ACTR1A: variants seen among roughly 807,000 people sequenced by gnomAD.
ACTR1A encodes the protein actin related protein 1A.
ACTR1A carries 10 observed loss-of-function variants against 50.7 expected under a neutral mutation model. That is an observed-to-expected ratio of 0.20 (90% CI 0.12 to 0.33). The LOEUF (loss-of-function observed/expected upper bound fraction) is 0.33, where lower values mean the gene tolerates loss of function less well. ACTR1A is among the 10% of genes least tolerant of loss of function. The pLI, the probability that ACTR1A is intolerant of heterozygous loss-of-function variation, is 1.00. For synonymous variants in ACTR1A, 177 were observed against 184.2 expected (o/e 0.96, Z 0.32); for missense variants, 253 against 491.7 (o/e 0.51, Z 4.59).
intron 1 of ACTR1A, among the ~76,000 whole-genome samples, chr10:102,502,367 T>G (rs1564653106): frequency 6.6e-6 from 1 of 152,248 alleles, no homozygotes; most frequent in African/African-American, 2.4e-5. Context: ...AGGACTGGCT[T>G]GGACTATAAC....
At position 102,480,789 on chromosome 10, in the gene ACTR1A, A is replaced by G. The variant is rs17113501; in HGVS notation, c.*74T>C. On this transcript the variant is annotated 3_prime_UTR_variant, in exon 11 of 11. Transcript: ENST00000369905. Reference sequence around the variant, plus strand: ...CACTCACACACAGGCAGTTCCTCGCAAACACTCCGACTCAAGAAAGCGAGT... The same window carrying G: ...CACTCACACACAGGCAGTTCCTCGCGAACACTCCGACTCAAGAAAGCGAGT... The G allele has an allele frequency of 7.9e-7, 1 of 1,267,482 alleles. No homozygotes were observed. Among genetic ancestry groups the G allele is most frequent in the Non-Finnish European group, 1.2e-6 (1 of 866,110 alleles). The allele number at this position is 1,267,482 out of a possible 1,614,324, so 78.5% of individuals were successfully genotyped here.
Position 102,484,187 on chromosome 10 carries a change from C to T in ACTR1A, c.630G>A (p.Glu210=). The change falls in exon 6 of 11, where the codon GAG becomes GAA. Residue 210 remains glutamate (E), a synonymous_variant. Coordinates refer to ENST00000369905, the MANE Select transcript of ACTR1A (RefSeq NM_005736.4). ...KEGYDFHSSS[E]FEIVKAIKER... ...CTTTTATGGCCTTGACAATCTCAAACTCAGAGGATGAGTGGAAGTCGTAGC... is the reference window on the plus strand; with the variant it reads ...CTTTTATGGCCTTGACAATCTCAAATTCAGAGGATGAGTGGAAGTCGTAGC... 1.2e-6 allele frequency: 2 copies of T among 1,614,202 alleles called. No individual in the cohort carries two copies. The highest frequency in any genetic ancestry group is 3.3e-4 in the Middle Eastern group (2 of 6,062).
chr10:102,482,390 GC>G lies in ACTR1A; in HGVS notation c.751-216del. ...GCTCCTATATTTCCTTCTCGCTCTGGCATTTTCCAGCCAAGAGGTCTTTGGC... is the reference window on the plus strand; with the variant it reads ...GCTCCTATATTTCCTTCTCGCTCTGGATTTTCCAGCCAAGAGGTCTTTGGC... On this transcript the variant is annotated intron_variant, in intron 7 of 10. Transcript: ENST00000369905. This position sits in a 1 kb window ranked among gnomAD's most constrained non-coding sequence, Gnocchi z 5.6. The G allele has an allele frequency of 3.4e-6, 2 of 582,164 alleles. No homozygotes were observed. Among genetic ancestry groups the G allele is most frequent in the Non-Finnish European group, 6.1e-6 (2 of 328,530 alleles). The allele number at this position is 582,164 out of a possible 1,614,324, so 36.1% of individuals were successfully genotyped here. A position where few individuals can be genotyped will look rare whatever the true frequency, so the allele number is the denominator to read the frequency against.
chr10:102,490,516 C>G (rs1351945916), intron 2 of ACTR1A, 33 bp downstream of exon 2: 3 of 1,580,810 alleles, frequency 1.9e-6, no homozygotes, highest in Non-Finnish European at 2.6e-6. Flanking sequence ...AGCTGATGAG[C>G]CTCCAAAACG....
At position 102,479,318 on chromosome 10, in the gene ACTR1A, G is replaced by A. The variant is rs2062125836; in HGVS notation, c.*1545C>T. Reference sequence around the variant, plus strand: ...CGAGGCTGTGCGAGGGACAGGCTTGGGCTAAGAGAAGGGAGGTGAGTTGGT... The same window carrying A: ...CGAGGCTGTGCGAGGGACAGGCTTGAGCTAAGAGAAGGGAGGTGAGTTGGT... On this transcript the variant is annotated 3_prime_UTR_variant, in exon 11 of 11. Transcript: ENST00000369905. The surrounding 1 kb of genome is among the most constrained non-coding windows in gnomAD (Gnocchi z 4.0). The A allele has an allele frequency of 9.8e-6, 4 of 406,684 alleles. No individual in the cohort carries two copies. Among genetic ancestry groups the A allele is most frequent in the South Asian group, 7.8e-5 (4 of 51,098 alleles). The allele number at this position is 406,684 out of a possible 1,614,324, so 25.2% of individuals were successfully genotyped here. A position where few individuals can be genotyped will look rare whatever the true frequency, so the allele number is the denominator to read the frequency against.
rs929937452 is a variant in ACTR1A at position 102,479,368 on chromosome 10, G to A, written c.*1495C>T. 1.4e-5 allele frequency: 5 copies of A among 368,698 alleles called. No individual in the cohort carries two copies. The highest frequency in any genetic ancestry group is 3.7e-5 in the Admixed American group (1 of 27,336). The allele number at this position is 368,698 out of a possible 1,614,324, so 22.8% of individuals were successfully genotyped here. On this transcript the variant is annotated 3_prime_UTR_variant, in exon 11 of 11. Transcript: ENST00000369905. The surrounding 1 kb of genome is among the most constrained non-coding windows in gnomAD (Gnocchi z 4.0). ...TTAAGCGCACTGCAGTCCGCGGGGCGCTACGTTGCTTTCACACATACCTGC... is the reference window on the plus strand; with the variant it reads ...TTAAGCGCACTGCAGTCCGCGGGGCACTACGTTGCTTTCACACATACCTGC...
chr10:102,480,764 C>T lies in ACTR1A; in HGVS notation c.*99G>A. Reference sequence around the variant, plus strand: ...GCACACACACTCATATCCACACACGCACTCACACACAGGCAGTTCCTCGCA... The same window carrying T: ...GCACACACACTCATATCCACACACGTACTCACACACAGGCAGTTCCTCGCA... On this transcript the variant is annotated 3_prime_UTR_variant, in exon 11 of 11. Transcript: ENST00000369905. The T allele has an allele frequency of 1.0e-6, 1 of 966,304 alleles. No homozygotes were observed. 59.9% of individuals were successfully genotyped at this position (966,304 alleles called of 1,614,324 possible).
In ACTR1A at chr10:102,481,183, G is replaced by T. The variant is rs781034617; in HGVS notation, c.988-11C>A. 6.3e-6 allele frequency: 10 copies of T among 1,576,090 alleles called. No homozygotes were observed. Among genetic ancestry groups the T allele is most frequent in the East Asian group, 4.5e-5 (2 of 44,380 alleles). On this transcript the variant is annotated splice_polypyrimidine_tract_variant and intron_variant, in intron 9 of 10. Transcript: ENST00000369905. ...CTGAGGTGCAGATATCTGCAAAGGT[G>T]GGGGAAAGAGGAATCTGAGACTTCC...
intron 1 of ACTR1A, among the ~76,000 whole-genome samples, chr10:102,500,587 AC>A (rs1235695103): frequency 5.6e-5 from 8 of 142,720 alleles, no homozygotes; most frequent in East Asian, 2.0e-4. Flanking sequence ...AAACAAACAA[AC>A]AAACAAACAA....
rs752834304 is a variant in ACTR1A, at chr10:102,490,562, A to G, written c.100T>C (p.Cys34Arg). The G allele has an allele frequency of 1.9e-6, 3 of 1,613,290 alleles. No individual in the cohort carries two copies. Among genetic ancestry groups the G allele is most frequent in the Non-Finnish European group, 2.5e-6 (3 of 1,179,338 alleles). The change falls in exon 2 of 11, where the codon TGC becomes CGC. Residue 34 changes from cysteine (C) to arginine (R), a missense_variant. Transcript: ENST00000369905. ...AGAATGACTTACTAGTTTGGAAAGC[A>G]GTATTTGGGGATCTGATCACCAGCA... ...GFAGDQIPKY[C>R]FPNYVGRPKH...
intron 2 of ACTR1A, 124 bp downstream of exon 2, chr10:102,490,425 A>G (rs780759987): frequency 1.5e-4 from 93 of 624,672 alleles, no homozygotes; most frequent in Non-Finnish European, 2.3e-4. Flanking sequence ...GTGCCTCTCA[A>G]ATTGTACCAT....
chr10:102,486,992 G>A (rs560199187), intron 4 of ACTR1A, among the ~76,000 whole-genome samples: 2 of 150,328 alleles, frequency 1.3e-5, no homozygotes, highest in South Asian at 2.1e-4. Flanking sequence ...GTGGTGTTTC[G>A]CCATGCTGCC....
intron 1 of ACTR1A, among the ~76,000 whole-genome samples, chr10:102,500,477 G>C (rs1478449595): frequency 6.6e-6 from 1 of 152,172 alleles, no homozygotes; most frequent in African/African-American, 2.4e-5. Flanking sequence ...GCTGAGGCAG[G>C]AGAATGGCGT....
intron 1 of ACTR1A, among the ~76,000 whole-genome samples, chr10:102,502,396 C>T (rs945870726): frequency 3.9e-5 from 6 of 152,250 alleles, no homozygotes; most frequent in African/African-American, 1.4e-4. Context: ...TTATCCACTC[C>T]AGAGTTCTCC....
At chr10:102,485,855 A>G (rs2062165743) in intron 4 of ACTR1A, 122 bp from the exon 5 acceptor site, 18 of 1,368,354 alleles carry the variant, frequency 1.3e-5, no homozygotes, top group Non-Finnish European at 1.8e-5. Context: ...GCCTCACTCC[A>G]AAAAAAGGCA....
intron 5 of ACTR1A, 96 bp from the exon 6 acceptor site, chr10:102,484,472 G>C (rs2062157657): frequency 9.3e-7 from 1 of 1,075,082 alleles, no homozygotes; most frequent in Non-Finnish European, 1.4e-6. Context: ...CTAAACTAAA[G>C]CTTGGGCCTG....
chr10:102,483,016 T>C lies in ACTR1A; in HGVS notation c.745A>G (p.Ile249Val). The C allele has an allele frequency of 1.2e-6, 2 of 1,613,424 alleles. No homozygotes were observed. Among genetic ancestry groups the C allele is most frequent in the South Asian group, 1.1e-5 (1 of 91,068 alleles). The change falls in exon 7 of 11, where the codon ATT becomes GTT. Residue 249 changes from isoleucine (I) to valine (V), a missense_variant. Coordinates refer to ENST00000369905, the MANE Select transcript of ACTR1A (RefSeq NM_005736.4). ...AQYYLPDGST[I>V]EIGPSRFRAP... ...AAAGAAGGCAGGCCACCTACCTCAATGGTGCTGCCATCAGGCAGGTAGTAC... is the reference window on the plus strand; with the variant it reads ...AAAGAAGGCAGGCCACCTACCTCAACGGTGCTGCCATCAGGCAGGTAGTAC...
At position 102,489,090 on chromosome 10, in the gene ACTR1A, G is replaced by T; in HGVS notation, c.162C>A (p.Gly54=). The T allele has an allele frequency of 6.3e-7, 1 of 1,587,934 alleles. No homozygotes were observed. Among genetic ancestry groups the T allele is most frequent in the South Asian group, 1.1e-5 (1 of 87,676 alleles). ...CAGCTTTGGGGCCAATGAAGATGTC[G>T]CCTTCAAGGGCTCCTGCCATGACAC... ...HVRVMAGALE[G]DIFIGPKAEE... is the part of the protein sequence containing the mutation. The change falls in exon 3 of 11, where the codon GGC becomes GGA. Residue 54 remains glycine, a synonymous_variant. Transcript: ENST00000369905.
chr10:102,502,630 C>G lies in ACTR1A; in HGVS notation c.18G>C (p.Val6=), dbSNP rs1175000628. The G allele has an allele frequency of 6.2e-7, 1 of 1,614,268 alleles. No homozygotes were observed. Among genetic ancestry groups the G allele is most frequent in the Non-Finnish European group, 8.5e-7 (1 of 1,180,040 alleles). Residue 6 remains valine (V), a synonymous_variant, in exon 1 of 11, where the codon GTG becomes GTC. Transcript: ENST00000369905. ...CGATCACGACAGGCTGGTTGGCGAT[C>G]ACATCGTAGGACTCCATGGCAGAGG... MESYD[V]IANQPVVIDN...
Sources: allele counts gnomAD v4.1 joint callset (sites outside exome capture counted in the v4.1 genomes callset), GRCh38; gene constraint gnomAD v4.1.1; non-coding constraint Gnocchi (gnomAD v3.1); transcripts MANE v1.5; gene names NCBI Gene and HGNC (gene_info 2026-07-23, HGNC 2026-07-21).